OTOA: variants seen among roughly 807,000 people sequenced by gnomAD.
OTOA encodes otoancorin, also known as cancer/testis antigen 108.
Under a neutral mutation model 110.8 loss-of-function variants are expected in OTOA, and 70 were observed. The ratio of observed to expected loss-of-function variants is 0.63; its 90% CI spans 0.52 to 0.77. The LOEUF is 0.77. Among genes scored for constraint, OTOA ranks in the 30% least tolerant of loss-of-function variants. The pLI, the probability that OTOA is intolerant of heterozygous loss-of-function variation, is 0.00. For missense variants in OTOA, 917 were observed against 1,075.8 expected (o/e 0.85, Z 2.06); for synonymous variants, 373 against 431.5 (o/e 0.86, Z 1.68).
At chr16:21,684,818 C>A (rs1897677858) in intron 6 of OTOA, among the ~76,000 whole-genome samples, 1 of 150,902 alleles carries the variant, frequency 6.6e-6, no homozygotes, top group Non-Finnish European at 1.5e-5. Flanking sequence ...GTGGCGTGAT[C>A]TCGGCTCACT....
chr16:21,670,843 A>C (rs1195330259), intron 1 of OTOA, among the ~76,000 whole-genome samples: 1 of 152,178 alleles, frequency 6.6e-6, no homozygotes, highest in Admixed American at 6.6e-5. Context: ...CTTGAAATTT[A>C]CAATGAATTG....
chr16:21,697,737 T>C (rs753646248), intron 9 of OTOA, 38 bp from the exon 10 acceptor site: 2 of 1,563,118 alleles, frequency 1.3e-6, no homozygotes, highest in Non-Finnish European at 1.8e-6. Context: ...CTTTTATTTA[T>C]GTATGTACTC....
intron 18 of OTOA, among the ~76,000 whole-genome samples, chr16:21,726,304 T>C (rs1276933310): frequency 6.6e-6 from 1 of 151,896 alleles, no homozygotes; most frequent in Non-Finnish European, 1.5e-5. Context: ...TGCCCATTCA[T>C]GGAAGAGGAG....
At chr16:21,695,208 T>C (rs1897906733) in intron 9 of OTOA, among the ~76,000 whole-genome samples, 1 of 144,104 alleles carries the variant, frequency 6.9e-6, no homozygotes, top group Non-Finnish European at 1.5e-5. Flanking sequence ...AAGGCCAGCC[T>C]GGGCAATGTA....
intron 1 of OTOA, among the ~76,000 whole-genome samples, chr16:21,675,338 A>G (rs58322755): frequency 0.4 from 16,872 of 42,228 alleles, 2,191 homozygotes; most frequent in East Asian, 0.56. Flanking sequence ...TTTTTTTTTT[A>G]TAGAGATGGG....
At chr16:21,734,608 G>A (rs1348708099) in intron 21 of OTOA, among the ~76,000 whole-genome samples, 5 of 152,164 alleles carry the variant, frequency 3.3e-5, no homozygotes, top group African/African-American at 4.8e-5. Context: ...AGGCCGAGGC[G>A]GGCAGATCAC....
intron 17 of OTOA, chr16:21,721,232 TACACACACACACACACACACACACACAC>T (rs35961471): frequency 5.4e-6 from 2 of 372,404 alleles, no homozygotes; most frequent in African/African-American, 4.8e-5. Flanking sequence ...ACATAATTAT[TACACACACACACACACACACACACACAC>T]ACACACACAC....
chr16:21,717,223 C>A (rs865810089), intron 15 of OTOA, among the ~76,000 whole-genome samples, 176 bp downstream of exon 15: 1 of 151,936 alleles, frequency 6.6e-6, no homozygotes, highest in Non-Finnish European at 1.5e-5. Context: ...GATCGCTTGA[C>A]GCCAGGAGTT....
chr16:21,690,078 A>G (rs562454496), intron 8 of OTOA, among the ~76,000 whole-genome samples: 1 of 152,312 alleles, frequency 6.6e-6, no homozygotes, highest in Admixed American at 6.5e-5. Context: ...CCAAGAGGTG[A>G]GGAAGTGGAG....
chr16:21,667,871 G>A (rs1487591858), intron 1 of OTOA, among the ~76,000 whole-genome samples: 1 of 151,970 alleles, frequency 6.6e-6, no homozygotes, highest in African/African-American at 2.4e-5. Context: ...TATTCTTTTG[G>A]TTTTAAAAAA....
chr16:21,713,933 C>T (rs1898435967), intron 13 of OTOA, among the ~76,000 whole-genome samples: 1 of 152,136 alleles, frequency 6.6e-6, no homozygotes, highest in Non-Finnish European at 1.5e-5. Flanking sequence ...TTTGTTCCCT[C>T]CCAGCCCAGG....
Position 21,758,831 on chromosome 16 carries a change from G to A in OTOA, c.3349+1554G>A, listed in dbSNP as rs528946665. On this transcript the variant is annotated intron_variant, in intron 28 of 28. Coordinates refer to ENST00000646100, the MANE Select transcript of OTOA (RefSeq NM_144672.4). ...AGCCTGGCCAACATGGCAAAACCCC[G>A]TCTCTACTAAAAATACAAAAATTAG... Among the ~76,000 whole-genome samples the A allele has an allele frequency of 8.1e-4, 123 of 151,650 alleles. 1 individual carries two copies. The highest frequency in any genetic ancestry group is 2.8e-3 in the African/African-American group (115 of 41,310).
At chr16:21,699,743 A>G (rs940758421) in intron 10 of OTOA, among the ~76,000 whole-genome samples, 15 of 151,770 alleles carry the variant, frequency 9.9e-5, no homozygotes, top group Non-Finnish European at 2.2e-4. Context: ...ACATGGCGAA[A>G]CCCCGTCTCT....
chr16:21,751,954 G>C lies in OTOA; in HGVS notation c.2795G>C (p.Gly932Ala), dbSNP rs954136045. Residue 932 changes from glycine (G) to alanine (A), a missense_variant, in exon 25 of 29, where the codon GGG (glycine) becomes GCG (alanine). Gly to Ala is a moderately conservative substitution (Grantham distance 60). Around this residue, in one of 6 missense-constraint regions of OTOA, gnomAD observed 57 missense variants for 59.7 expected, o/e 0.96. Transcript: ENST00000646100. Reference protein sequence around the residue: ...TPGQAESILQGYLDDSGYSIQ... With the variant: ...TPGQAESILQAYLDDSGYSIQ... The stretch of plus-strand genomic sequence containing the variant: ...TTTTAGGCTGAATCCATTTTGCAAG[G>C]GTACCTGGATGATTCAGGATACAGT... 1.3e-4 allele frequency: 46 copies of C among 348,050 alleles called. 4 individuals are homozygous for C. Among genetic ancestry groups the C allele is most frequent in the Non-Finnish European group, 2.2e-4 (41 of 188,754 alleles). The allele number at this position is 348,050 out of a possible 1,614,324, so 21.6% of individuals were successfully genotyped here.
intron 14 of OTOA, 30 bp from the exon 15 acceptor site, chr16:21,716,877 T>C (rs761984736): frequency 1.2e-5 from 20 of 1,613,266 alleles, no homozygotes; most frequent in Non-Finnish European, 1.7e-5. Flanking sequence ...TTTTTTACAA[T>C]GTTGTTTTGT....
intron 12 of OTOA, among the ~76,000 whole-genome samples, chr16:21,707,530 G>A (rs1898201950): frequency 6.6e-6 from 1 of 151,522 alleles, no homozygotes. Flanking sequence ...CATTTATTGT[G>A]CTCTTCCTTC....
intron 13 of OTOA, among the ~76,000 whole-genome samples, chr16:21,710,315 C>T (rs563364965): frequency 7.9e-5 from 12 of 152,208 alleles, no homozygotes; most frequent in Admixed American, 6.5e-4. Context: ...TAGGTGGCCG[C>T]CATCTTGCTG....
intron 14 of OTOA, among the ~76,000 whole-genome samples, chr16:21,716,495 C>T (rs937978026): frequency 1.3e-5 from 2 of 151,990 alleles, no homozygotes; most frequent in Non-Finnish European, 2.9e-5. Context: ...TGCTTGAACC[C>T]AGGAGGCGGA....
chr16:21,674,029 C>T (rs551016444), intron 1 of OTOA, among the ~76,000 whole-genome samples: 2 of 152,128 alleles, frequency 1.3e-5, no homozygotes, highest in South Asian at 2.1e-4. Context: ...GATCTCCTGA[C>T]CTCGTGATCC....
Sources: gnomAD v4.1 joint callset for allele counts (sites outside exome capture counted in the v4.1 genomes callset) on GRCh38, gnomAD v4.1.1 for gene constraint, gnomAD v4.1.1 regional missense constraint, MANE v1.5 for transcripts, NCBI Gene and HGNC (gene_info 2026-07-23, HGNC 2026-07-21) for gene names.